Variants in RAB11FIP3 observed in about 807,000 individuals in gnomAD.
RAB11FIP3 encodes the protein rab11 family-interacting protein 3.
In RAB11FIP3, 17 loss-of-function variants were observed where a neutral mutation model predicts 77.8. The ratio of observed to expected loss-of-function variants is 0.22; its 90% CI spans 0.15 to 0.33. RAB11FIP3 has a LOEUF of 0.33. Among genes scored for constraint, RAB11FIP3 ranks in the 10% least tolerant of loss-of-function variants. The pLI is 1.00. For synonymous variants in RAB11FIP3, 437 were observed against 448.2 expected (o/e 0.98, Z 0.31); for missense variants, 1,005 against 1,011.2 (o/e 0.99, Z 0.08).
At chr16:440,422 C>T (rs1037612001) in intron 1 of RAB11FIP3, among the ~76,000 whole-genome samples, 3 of 152,330 alleles carry the variant, frequency 2.0e-5, no homozygotes, top group Non-Finnish European at 4.4e-5. Flanking sequence ...TGAGCCACCT[C>T]GCTCAGCCCC....
At chr16:512,249 G>A (rs1164466798) in intron 9 of RAB11FIP3, among the ~76,000 whole-genome samples, 2 of 151,394 alleles carry the variant, frequency 1.3e-5, no homozygotes, top group East Asian at 3.9e-4. Context: ...GGGTGGGGGT[G>A]GGTGGGTTTG....
intron 1 of RAB11FIP3, among the ~76,000 whole-genome samples, chr16:452,885 G>A (rs1324406581): frequency 2.9e-5 from 2 of 68,836 alleles, no homozygotes; most frequent in Non-Finnish European, 5.7e-5. Flanking sequence ...ATCCCGAGTA[G>A]TTGGGACTAC....
intron 1 of RAB11FIP3, among the ~76,000 whole-genome samples, chr16:444,612 C>T (rs2055280214): frequency 6.6e-6 from 1 of 152,210 alleles, no homozygotes; most frequent in Non-Finnish European, 1.5e-5. Flanking sequence ...CTCTGGGAGG[C>T]TGAGGCAGGT....
chr16:439,005 A>G (rs2055180555), intron 1 of RAB11FIP3, among the ~76,000 whole-genome samples: 1 of 152,092 alleles, frequency 6.6e-6, no homozygotes, highest in Non-Finnish European at 1.5e-5. Context: ...CTTTAAAGAG[A>G]TAGGGCCTTG....
chr16:496,704 T>A, intron 5 of RAB11FIP3, 120 bp from the exon 6 acceptor site: 1 of 973,738 alleles, frequency 1.0e-6, no homozygotes, highest in Non-Finnish European at 1.6e-6. Context: ...GGGCCCTGCA[T>A]GCCGGGAGCA....
At chr16:493,372 G>C (rs2030776631) in intron 5 of RAB11FIP3, among the ~76,000 whole-genome samples, 1 of 152,006 alleles carries the variant, frequency 6.6e-6, no homozygotes, top group African/African-American at 2.4e-5. Context: ...GAGGAGATCT[G>C]AATCTTGCGT....
chr16:488,001 G>A (rs1207248087), intron 4 of RAB11FIP3, among the ~76,000 whole-genome samples: 2 of 152,002 alleles, frequency 1.3e-5, no homozygotes, highest in Non-Finnish European at 2.9e-5. Context: ...CGGAACTTGT[G>A]ACGTGGGAGG....
At chr16:502,355 C>T (rs968595458) in intron 6 of RAB11FIP3, among the ~76,000 whole-genome samples, 1 of 152,238 alleles carries the variant, frequency 6.6e-6, no homozygotes, top group Non-Finnish European at 1.5e-5. Context: ...GAGCCTGGCC[C>T]GGGTAGTAAC....
chr16:426,291 C>A lies in RAB11FIP3; in HGVS notation c.285C>A (p.Gly95=). 1.6e-6 allele frequency: 2 copies of A among 1,249,298 alleles called. No individual in the cohort carries two copies. Among genetic ancestry groups the A allele is most frequent in the Non-Finnish European group, 2.0e-6 (2 of 1,000,266 alleles). 77.4% of individuals were successfully genotyped at this position (1,249,298 alleles called of 1,614,324 possible). The change falls in exon 1 of 14, where the codon GGC becomes GGA. Residue 95 remains glycine (G), a synonymous_variant. Coordinates refer to ENST00000262305, the MANE Select transcript of RAB11FIP3 (RefSeq NM_014700.4). This position sits in a 1 kb window ranked among gnomAD's most constrained non-coding sequence, Gnocchi z 5.0. ...PGPSAPPPRS[G]PRGQLASPDA... ...CGTCCGCCCCGCCGCCGCGCTCCGGCCCGCGGGGGCAGCTTGCGAGCCCCG... is the reference window on the plus strand; with the variant it reads ...CGTCCGCCCCGCCGCCGCGCTCCGGACCGCGGGGGCAGCTTGCGAGCCCCG...
rs560443900 is a variant in RAB11FIP3, at chr16:507,051, C to T, written c.1499+1424C>T. Among the ~76,000 whole-genome samples, 2 of 152,020 alleles carry T rather than the reference C, an allele frequency of 1.3e-5. No individual in the cohort carries two copies. The highest frequency in any genetic ancestry group is 2.1e-4 in the South Asian group (1 of 4,810). On this transcript the variant is annotated intron_variant, in intron 8 of 13. Coordinates refer to ENST00000262305, the MANE Select transcript of RAB11FIP3 (RefSeq NM_014700.4). The surrounding 1 kb of genome is among the most constrained non-coding windows in gnomAD (Gnocchi z 4.6). Reference sequence around the variant, plus strand: ...ACAGCCTCCACCTCCCAGGCTCAAGCGACCCGCCTCCCTCAGCCTTCGATG... The same window carrying T: ...ACAGCCTCCACCTCCCAGGCTCAAGTGACCCGCCTCCCTCAGCCTTCGATG...
chr16:455,973 C>A (rs1051705564), intron 1 of RAB11FIP3, among the ~76,000 whole-genome samples: 1 of 152,182 alleles, frequency 6.6e-6, no homozygotes, highest in African/African-American at 2.4e-5. Context: ...CTTCAGTTAT[C>A]TCTGTTAAAA....
chr16:430,139 A>G (rs1477873837), intron 1 of RAB11FIP3, among the ~76,000 whole-genome samples: 3 of 152,132 alleles, frequency 2.0e-5, no homozygotes, highest in Non-Finnish European at 2.9e-5. Context: ...GGAATTAGGT[A>G]TGAAGTTGGA....
chr16:440,226 T>G (rs1281533805), intron 1 of RAB11FIP3, among the ~76,000 whole-genome samples: 1 of 152,222 alleles, frequency 6.6e-6, no homozygotes, highest in African/African-American at 2.4e-5. Flanking sequence ...TTGCATAAAA[T>G]GGAAATGTTT....
At chr16:501,791 C>T (rs1567400415) in intron 6 of RAB11FIP3, among the ~76,000 whole-genome samples, 1 of 148,698 alleles carries the variant, frequency 6.7e-6, no homozygotes, top group Non-Finnish European at 1.5e-5. Context: ...ATTTCACAGG[C>T]AAGGAAGTTC....
chr16:471,161 A>AC lies in RAB11FIP3; in HGVS notation c.809-126dup, dbSNP rs542248830. On this transcript the variant is annotated intron_variant, in intron 2 of 13. Transcript: ENST00000262305. This position sits in a 1 kb window ranked among gnomAD's most constrained non-coding sequence, Gnocchi z 4.4. The stretch of plus-strand genomic sequence containing the variant: ...CATGCTCACTCCCTTGCTTGTCTTG[A>AC]CCCCCCCCAGGGCCCCCAACTCCCA... 6.1e-4 allele frequency: 418 copies of AC among 685,686 alleles called. No individual in the cohort carries two copies. Among genetic ancestry groups the AC allele is most frequent in the Middle Eastern group, 1.2e-3 (3 of 2,486 alleles). 42.5% of individuals were successfully genotyped at this position (685,686 alleles called of 1,614,324 possible).
At chr16:467,512 G>A (rs1323579109) in intron 2 of RAB11FIP3, among the ~76,000 whole-genome samples, 1 of 145,874 alleles carries the variant, frequency 6.9e-6, no homozygotes, top group African/African-American at 2.6e-5. Context: ...GCGTCAGGGA[G>A]GAGGTGCGGG....
At chr16:445,603 T>G (rs1244439041) in intron 1 of RAB11FIP3, among the ~76,000 whole-genome samples, 1 of 152,158 alleles carries the variant, frequency 6.6e-6, no homozygotes, top group Non-Finnish European at 1.5e-5. Context: ...GGGATGAGAA[T>G]CTGAGGCTGA....
intron 11 of RAB11FIP3, 30 bp from the exon 12 acceptor site, chr16:520,092 C>G (rs934803468): frequency 6.5e-7 from 1 of 1,541,072 alleles, no homozygotes; most frequent in African/African-American, 1.4e-5. Flanking sequence ...GAGCCCAGGC[C>G]CCCCGGCTCA....
chr16:470,241 TC>T (rs2055785480), intron 2 of RAB11FIP3, among the ~76,000 whole-genome samples: 3 of 151,970 alleles, frequency 2.0e-5, no homozygotes, highest in Admixed American at 1.3e-4. Context: ...CAAATGATCC[TC>T]CTGCCTCAGC....
Sources: gnomAD v4.1 joint callset for allele counts (sites outside exome capture counted in the v4.1 genomes callset) on GRCh38, gnomAD v4.1.1 for gene constraint, Gnocchi (gnomAD v3.1) non-coding constraint, MANE v1.5 for transcripts, NCBI Gene and HGNC (gene_info 2026-07-23, HGNC 2026-07-21) for gene names.